LSAMP: variants seen among roughly 807,000 people sequenced by gnomAD.
The protein encoded by LSAMP is limbic system-associated membrane protein.
Under a neutral mutation model 38.6 loss-of-function variants are expected in LSAMP, and 7 were observed. That is an observed-to-expected ratio of 0.18 (90% CI 0.10 to 0.34). LSAMP has a LOEUF of 0.34. Ranked by LOEUF, LSAMP falls within the 10% of genes least tolerant of loss-of-function variation. The probability of loss-of-function intolerance (pLI) is 1.00; values close to 1 mark genes in which losing one functional copy is unlikely to be tolerated. For missense variants in LSAMP, 313 were observed against 420.0 expected (o/e 0.75, Z 2.23); for synonymous variants, 154 against 166.8 (o/e 0.92, Z 0.59).
intron 1 of LSAMP, among the ~76,000 whole-genome samples, chr3:116,115,081 G>C (rs1259056210): frequency 6.6e-6 from 1 of 152,154 alleles, no homozygotes; most frequent in African/African-American, 2.4e-5. Context: ...GGAATTTTTA[G>C]TCTAGCTCAG....
chr3:116,283,383 T>C (rs950520400), intron 1 of LSAMP, among the ~76,000 whole-genome samples: 1 of 152,094 alleles, frequency 6.6e-6, no homozygotes, highest in African/African-American at 2.4e-5. Context: ...GAGAGGGAAA[T>C]AAGGAAAAGG....
At chr3:115,991,471 G>A (rs1426103711) in intron 3 of LSAMP, among the ~76,000 whole-genome samples, 1 of 151,996 alleles carries the variant, frequency 6.6e-6, no homozygotes, top group Non-Finnish European at 1.5e-5. Context: ...ACAAACACAT[G>A]TATGGCTTAG....
chr3:116,126,723 G>T (rs754755102), intron 1 of LSAMP, among the ~76,000 whole-genome samples: 38 of 152,240 alleles, frequency 2.5e-4, no homozygotes, highest in Middle Eastern at 6.8e-3. Flanking sequence ...TTAGCTGGGT[G>T]TGGTGGTGCA....
chr3:115,838,495 G>C (rs944564757), intron 6 of LSAMP, among the ~76,000 whole-genome samples: 2 of 152,174 alleles, frequency 1.3e-5, no homozygotes, highest in Non-Finnish European at 2.9e-5. Flanking sequence ...AGAAAGACTA[G>C]GGAGCTGAAT....
At chr3:116,398,436 T>C (rs1210537861) in intron 1 of LSAMP, among the ~76,000 whole-genome samples, 1 of 152,000 alleles carries the variant, frequency 6.6e-6, no homozygotes, top group African/African-American at 2.4e-5. Flanking sequence ...GGTATTCAAA[T>C]ACTCATGAAT....
intron 1 of LSAMP, among the ~76,000 whole-genome samples, chr3:116,324,778 G>GT (rs1159898373): frequency 6.6e-6 from 1 of 152,108 alleles, no homozygotes; most frequent in Non-Finnish European, 1.5e-5. Context: ...AACAACCAGT[G>GT]TATCTTGTCA....
chr3:116,128,144 G>A (rs1312459705), intron 1 of LSAMP, among the ~76,000 whole-genome samples: 2 of 152,148 alleles, frequency 1.3e-5, no homozygotes, highest in African/African-American at 4.8e-5. Flanking sequence ...CTTAGGAAAT[G>A]TCCTAGGGCC....
intron 1 of LSAMP, among the ~76,000 whole-genome samples, chr3:116,251,064 T>A (rs904425117): frequency 6.6e-6 from 1 of 152,202 alleles, no homozygotes. Flanking sequence ...TTGTCATGAG[T>A]TCACTACCCT....
chr3:116,194,630 T>C (rs999493031), intron 1 of LSAMP, among the ~76,000 whole-genome samples: 8 of 152,152 alleles, frequency 5.3e-5, no homozygotes, highest in Non-Finnish European at 1.5e-5. Context: ...TCTCTTGACG[T>C]CGTGATCCGC....
chr3:116,195,718 G>A (rs77554374), intron 1 of LSAMP, among the ~76,000 whole-genome samples: 15 of 139,678 alleles, frequency 1.1e-4, no homozygotes, highest in East Asian at 2.1e-4. Flanking sequence ...AAAAAAAAAT[G>A]AAAAAAAAAA....
chr3:116,016,607 T>C (rs1485217772), intron 3 of LSAMP, among the ~76,000 whole-genome samples: 2 of 152,134 alleles, frequency 1.3e-5, no homozygotes, highest in Non-Finnish European at 2.9e-5. Flanking sequence ...AAGGGCCTAA[T>C]AGAAAATATT....
At chr3:116,310,964 G>C (rs1372845183) in intron 1 of LSAMP, among the ~76,000 whole-genome samples, 1 of 148,282 alleles carries the variant, frequency 6.7e-6, no homozygotes, top group African/African-American at 2.5e-5. Flanking sequence ...CGGATAACTA[G>C]ATTACCAGAC....
At chr3:116,166,272 TA>T (rs1349508764) in intron 1 of LSAMP, among the ~76,000 whole-genome samples, 1 of 152,236 alleles carries the variant, frequency 6.6e-6, no homozygotes, top group Non-Finnish European at 1.5e-5. Context: ...GGCACAGTTC[TA>T]AGTGCTTTGC....
At chr3:116,377,912 A>G (rs1242252380) in intron 1 of LSAMP, among the ~76,000 whole-genome samples, 1 of 152,060 alleles carries the variant, frequency 6.6e-6, no homozygotes, top group African/African-American at 2.4e-5. Context: ...AGCCAGAATT[A>G]GAGCCAGGAT....
intron 1 of LSAMP, among the ~76,000 whole-genome samples, chr3:116,225,945 A>G (rs1559790466): frequency 6.6e-6 from 1 of 152,032 alleles, no homozygotes; most frequent in Admixed American, 6.6e-5. Context: ...TCACCTCTAC[A>G]CCTTGTATTG....
intron 6 of LSAMP, among the ~76,000 whole-genome samples, chr3:115,839,016 C>T (rs925260544): frequency 2.6e-5 from 4 of 152,158 alleles, no homozygotes; most frequent in East Asian, 1.9e-4. Context: ...CAGAGCACCC[C>T]GCTGCCCACA....
chr3:116,083,288 C>T (rs549773671), intron 2 of LSAMP, among the ~76,000 whole-genome samples: 1 of 152,318 alleles, frequency 6.6e-6, no homozygotes, highest in East Asian at 1.9e-4. Context: ...TTATCAACAT[C>T]ATCATCAACC....
At chr3:116,292,207 T>C (rs1182307614) in intron 1 of LSAMP, among the ~76,000 whole-genome samples, 4 of 152,202 alleles carry the variant, frequency 2.6e-5, no homozygotes, top group African/African-American at 7.2e-5. Flanking sequence ...AATATCACAC[T>C]GACAAGGCTC....
At chr3:116,305,546 C>T (rs898466869) in intron 1 of LSAMP, among the ~76,000 whole-genome samples, 16 of 144,866 alleles carry the variant, frequency 1.1e-4, no homozygotes, top group African/African-American at 2.3e-4. Context: ...CCAGCTTGCA[C>T]GAAAAAAAAA....
Sources: gnomAD v4.1 joint callset for allele counts (sites outside exome capture counted in the v4.1 genomes callset) on GRCh38, gnomAD v4.1.1 for gene constraint, MANE v1.5 for transcripts, NCBI Gene and HGNC (gene_info 2026-07-23, HGNC 2026-07-21) for gene names.